Variants in IAH1 observed in about 807,000 individuals in gnomAD.
The protein encoded by IAH1 is isoamyl acetate hydrolyzing esterase 1 (putative), also known as isoamyl acetate-hydrolyzing esterase 1 homolog.
A neutral mutation model predicts 26.7 loss-of-function variants in IAH1; 24 were observed. That is an observed-to-expected ratio of 0.90 (90% CI 0.65 to 1.26). The LOEUF is 1.26. Among genes scored for constraint, IAH1 ranks in the 50% most tolerant of loss-of-function variants. The pLI is 0.00. For synonymous variants in IAH1, 140 were observed against 118.5 expected, an observed-to-expected ratio of 1.18 and a Z score of -1.18; for missense variants, 300 against 299.9, an observed-to-expected ratio of 1.00 and a Z score of 0.00.
rs1222969961 is a variant in IAH1, at chr2:9,478,369, A to G, written c.282A>G (p.Lys94=). 2 of 1,588,836 alleles carry G rather than the reference A, an allele frequency of 1.3e-6. No individual in the cohort carries two copies. Among genetic ancestry groups the G allele is most frequent in the East Asian group, 2.3e-5 (1 of 44,354 alleles). ...IFFGANDSAL[K]DENPKQHIPL... is the part of the protein sequence containing the mutation. Reference sequence around the variant, plus strand: ...TTGGGGCCAATGACAGTGCACTAAAAGGTAAAAGCATTTTTGATGTTCTTC... The same window carrying G: ...TTGGGGCCAATGACAGTGCACTAAAGGGTAAAAGCATTTTTGATGTTCTTC... Residue 94 remains lysine (K), a splice_region_variant and synonymous_variant, in exon 3 of 6, where the codon AAA becomes AAG. Transcript: ENST00000497473.
the IAH1 span, among the ~76,000 whole-genome samples, chr2:9,508,796 C>G: frequency 1.3e-5 from 2 of 151,922 alleles, no homozygotes; most frequent in African/African-American, 4.8e-5. Context: ...ATTAGAAATG[C>G]AGAGACTATG....
intron 3 of IAH1, among the ~76,000 whole-genome samples, chr2:9,479,730 A>C (rs2124906926): frequency 6.6e-6 from 1 of 150,556 alleles, no homozygotes; most frequent in East Asian, 2.0e-4. Context: ...CCACGTGTAG[A>C]AATTCAACCT....
chr2:9,490,110 G>A, downstream of IAH1: 1 of 1,361,040 alleles, frequency 7.3e-7, no homozygotes, highest in East Asian at 2.3e-5. Context: ...TACAAGCTGT[G>A]ATTGATTTGT....
In IAH1 at chr2:9,478,323, C is replaced by T. The variant is rs1660949368; in HGVS notation, c.236C>T (p.Pro79Leu). Residue 79 changes from proline (P) to leucine (L), a missense_variant, in exon 3 of 6, where the codon CCA becomes CTA. By Grantham distance (98) the Pro-to-Leu change is moderately conservative. Transcript: ENST00000497473. ...AGGAAAGGAAACAGTTTGGACATCC[C>T]AGTAGCAGTTACAATTTTCTTTGGG... ...LIRKGNSLDI[P>L]VAVTIFFGAN... is the part of the protein sequence containing the mutation. 1 of 1,612,132 alleles carries T rather than the reference C, an allele frequency of 6.2e-7. No individual in the cohort carries two copies. The highest frequency in any genetic ancestry group is 1.1e-5 in the South Asian group (1 of 90,708).
chr2:9,506,368 T>G, the IAH1 span, among the ~76,000 whole-genome samples: 2 of 143,642 alleles, frequency 1.4e-5, no homozygotes, highest in African/African-American at 5.3e-5. Flanking sequence ...TGTTTTTTTT[T>G]TTTTTTTTTT....
the IAH1 span, among the ~76,000 whole-genome samples, chr2:9,503,144 A>C: frequency 6.6e-6 from 1 of 151,560 alleles, no homozygotes; most frequent in Admixed American, 6.6e-5. Flanking sequence ...TCTCAAAAAA[A>C]AAAAAAAAGA....
chr2:9,511,071 C>T, the IAH1 span, among the ~76,000 whole-genome samples: 1 of 152,144 alleles, frequency 6.6e-6, no homozygotes, highest in South Asian at 2.1e-4. Context: ...ATTGTCCAGC[C>T]TCCTCACATG....
At chr2:9,479,724 G>T (rs561289250) in intron 3 of IAH1, among the ~76,000 whole-genome samples, 1 of 149,748 alleles carries the variant, frequency 6.7e-6, no homozygotes, top group East Asian at 2.0e-4. Context: ...GACGGCCCAC[G>T]TGTAGAAATT....
chr2:9,490,558 G>A (rs1662050515), downstream of IAH1: 1 of 1,555,302 alleles, frequency 6.4e-7, no homozygotes, highest in Non-Finnish European at 8.7e-7. Flanking sequence ...AGGAATAAAA[G>A]ATGAATCGGA....
At chr2:9,493,109 G>A, downstream of IAH1, 1 of 752,642 alleles carries the variant, frequency 1.3e-6, no homozygotes, top group Admixed American at 3.1e-5. Flanking sequence ...ACTACCGAGA[G>A]CAGAATGTCT....
downstream of IAH1, among the ~76,000 whole-genome samples, chr2:9,501,086 A>G (rs1662972675): frequency 6.6e-6 from 1 of 152,206 alleles, no homozygotes; most frequent in African/African-American, 2.4e-5. Flanking sequence ...GGATGATTAC[A>G]TAAGAACTCC....
At chr2:9,496,919 AG>A (rs1199660529), downstream of IAH1, among the ~76,000 whole-genome samples, 1 of 152,220 alleles carries the variant, frequency 6.6e-6, no homozygotes, top group African/African-American at 2.4e-5. Flanking sequence ...CCAACAGGAT[AG>A]GTCTCCCAGG....
At chr2:9,491,297 C>G, downstream of IAH1, 2 of 650,780 alleles carry the variant, frequency 3.1e-6, no homozygotes, top group Non-Finnish European at 5.2e-6. Flanking sequence ...GATGACAATC[C>G]ATTTCTCACC....
the IAH1 span, chr2:9,505,543 C>G: frequency 1.6e-6 from 1 of 624,542 alleles, no homozygotes; most frequent in South Asian, 2.0e-5. Flanking sequence ...GAACTGGGAA[C>G]CTCCCTCCAT....
At chr2:9,501,683 CATG>C in the IAH1 span, among the ~76,000 whole-genome samples, 9 of 152,166 alleles carry the variant, frequency 5.9e-5, no homozygotes, top group African/African-American at 2.2e-4. Flanking sequence ...TGCATAGATT[CATG>C]ATAACATTCA....
At chr2:9,502,408 A>T in the IAH1 span, 98 of 692,762 alleles carry the variant, frequency 1.4e-4, no homozygotes, top group African/African-American at 1.3e-3. Flanking sequence ...CCACTCCTAC[A>T]TCATCAGACA....
At chr2:9,502,581 G>A in the IAH1 span, among the ~76,000 whole-genome samples, 1 of 152,138 alleles carries the variant, frequency 6.6e-6, no homozygotes, top group Non-Finnish European at 1.5e-5. Context: ...ATTTAAAAAA[G>A]ACAAGATGGG....
At chr2:9,487,833 T>TGTGTGTGTGTGC (rs1192269311) in intron 5 of IAH1, among the ~76,000 whole-genome samples, 2 of 82,706 alleles carry the variant, frequency 2.4e-5, no homozygotes, top group African/African-American at 4.7e-5. Context: ...TGTGTGTGTG[T>TGTGTGTGTGTGC]GCGCGCGCGC....
At chr2:9,506,372 T>G in the IAH1 span, among the ~76,000 whole-genome samples, 6 of 145,008 alleles carry the variant, frequency 4.1e-5, no homozygotes, top group Non-Finnish European at 6.0e-5. Flanking sequence ...TTTTTTTTTT[T>G]TTTTTTTTTT....
Sources: allele counts gnomAD v4.1 joint callset (sites outside exome capture counted in the v4.1 genomes callset), GRCh38; gene constraint gnomAD v4.1.1; transcripts MANE v1.5; gene names NCBI Gene and HGNC (gene_info 2026-07-23, HGNC 2026-07-21).